ATP2B2: variants seen among roughly 807,000 people sequenced by gnomAD.
The protein encoded by ATP2B2 is ATPase plasma membrane Ca2+ transporting 2, also known as plasma membrane calcium-transporting ATPase 2.
Under a neutral mutation model 120.0 loss-of-function variants are expected in ATP2B2, and 15 were observed. The observed-to-expected ratio is 0.12, with a 90% CI of 0.08 to 0.19. The LOEUF is 0.19. Ranked by LOEUF, ATP2B2 falls within the 10% of genes least tolerant of loss-of-function variation. The probability of loss-of-function intolerance (pLI) is 1.00; values close to 1 mark genes in which losing one functional copy is unlikely to be tolerated. For synonymous variants in ATP2B2, 694 were observed against 700.3 expected (o/e 0.99, Z 0.14); for missense variants, 1,045 against 1,719.8 (o/e 0.61, Z 6.94).
intron 12 of ATP2B2, among the ~76,000 whole-genome samples, chr3:10,371,161 G>C (rs2061229631): frequency 6.6e-6 from 1 of 152,206 alleles, no homozygotes; most frequent in Non-Finnish European, 1.5e-5. Context: ...CACTGGCCAA[G>C]AGAATGCAGC....
chr3:10,396,510 G>A lies in ATP2B2; in HGVS notation c.781+4443C>T, dbSNP rs906010271. 2.0e-5 allele frequency among the ~76,000 whole-genome samples: 3 copies of A among 152,240 alleles called. No individual in the cohort carries two copies. In the East Asian group the frequency reaches 5.8e-4, roughly 29 times the overall value. Reference sequence around the variant, plus strand: ...CAAATGCCCCCAGCCTGGTCTCTCTGTGTTGTTCCTCAAGGATCATCAGAC... The same window carrying A: ...CAAATGCCCCCAGCCTGGTCTCTCTATGTTGTTCCTCAAGGATCATCAGAC... On this transcript the variant is annotated intron_variant, in intron 5 of 22. Transcript: ENST00000360273.
At chr3:10,695,160 C>T (rs536670289) in intron 1 of ATP2B2, among the ~76,000 whole-genome samples, 75 of 150,144 alleles carry the variant, frequency 5.0e-4, no homozygotes, top group African/African-American at 1.8e-3. Flanking sequence ...TACAGTTCCA[C>T]GTGGCTGGGG....
intron 2 of ATP2B2, among the ~76,000 whole-genome samples, chr3:10,608,762 C>T (rs1365795873): frequency 1.3e-5 from 2 of 152,188 alleles, no homozygotes; most frequent in African/African-American, 4.8e-5. Flanking sequence ...TGGCCAGACC[C>T]TCTCTTATCA....
Position 10,477,111 on chromosome 3 carries a change from C to T in ATP2B2, c.-319-27249G>A, listed in dbSNP as rs2065233652. ...ATGTGTGGCTTCCTCCAGGCCAGGCCTCACCATGCAGCAGACACCAGTGTC... is the reference window on the plus strand; with the variant it reads ...ATGTGTGGCTTCCTCCAGGCCAGGCTTCACCATGCAGCAGACACCAGTGTC... On this transcript the variant is annotated intron_variant, in intron 1 of 22. Coordinates refer to ENST00000360273, the MANE Select transcript of ATP2B2 (RefSeq NM_001001331.4). Among the ~76,000 whole-genome samples the T allele has an allele frequency of 2.0e-5, 3 of 152,238 alleles. No individual in the cohort carries two copies. The South Asian group carries it at 6.2e-4, about 31-fold the overall frequency.
intron 2 of ATP2B2, among the ~76,000 whole-genome samples, chr3:10,441,413 T>C (rs2063661980): frequency 6.6e-6 from 1 of 152,218 alleles, no homozygotes; most frequent in East Asian, 1.9e-4. Flanking sequence ...CTCATTTTTG[T>C]ATTTTTAGTA....
chr3:10,373,199 T>C (rs1219416393), intron 11 of ATP2B2, among the ~76,000 whole-genome samples: 1 of 152,222 alleles, frequency 6.6e-6, no homozygotes, highest in Non-Finnish European at 1.5e-5. Flanking sequence ...TTGTCCGATG[T>C]TTTAAGAATT....
At chr3:10,611,954 G>C (rs2069250871) in intron 2 of ATP2B2, among the ~76,000 whole-genome samples, 1 of 152,158 alleles carries the variant, frequency 6.6e-6, no homozygotes, top group African/African-American at 2.4e-5. Flanking sequence ...CGCCTATCCT[G>C]ATTACCCCAG....
At chr3:10,482,068 T>G (rs1391986510) in intron 1 of ATP2B2, among the ~76,000 whole-genome samples, 1 of 152,084 alleles carries the variant, frequency 6.6e-6, no homozygotes, top group Non-Finnish European at 1.5e-5. Flanking sequence ...GACACGTTAG[T>G]CCCCCTAGAC....
At chr3:10,441,183 T>G (rs1476665157) in intron 2 of ATP2B2, among the ~76,000 whole-genome samples, 1 of 152,192 alleles carries the variant, frequency 6.6e-6, no homozygotes, top group African/African-American at 2.4e-5. Flanking sequence ...CACTGAGGCC[T>G]TGGCTTCCTG....
Position 10,358,941 on chromosome 3 carries a change from A to G in ATP2B2, c.1902-16T>C. ...TTTGCAGCACCTAGGGGAGGATGGA[A>G]GGGAGATGGGGAGCCCAGGGAATGC... On this transcript the variant is annotated splice_polypyrimidine_tract_variant and intron_variant, in intron 13 of 22. Coordinates refer to ENST00000360273, the MANE Select transcript of ATP2B2 (RefSeq NM_001001331.4). 2 of 1,612,206 alleles carry G rather than the reference A, an allele frequency of 1.2e-6. No homozygotes were observed. Among genetic ancestry groups the G allele is most frequent in the Non-Finnish European group, 1.7e-6 (2 of 1,179,610 alleles).
intron 1 of ATP2B2, among the ~76,000 whole-genome samples, chr3:10,657,409 T>C (rs2070662172): frequency 6.6e-6 from 1 of 152,238 alleles, no homozygotes; most frequent in African/African-American, 2.4e-5. Flanking sequence ...TTGCCCTTTT[T>C]TGGAAATTGA....
At chr3:10,486,878 C>T (rs1228281026) in intron 1 of ATP2B2, among the ~76,000 whole-genome samples, 1 of 152,036 alleles carries the variant, frequency 6.6e-6, no homozygotes, top group Non-Finnish European at 1.5e-5. Context: ...AGCCACCACA[C>T]CCAGCTAATT....
rs2071891427 is a variant in ATP2B2 at position 10,706,064 on chromosome 3, T to G, written c.-460+1851A>C. The stretch of plus-strand genomic sequence containing the variant: ...GAACAAATGAGTGTGTCTCTGAGAG[T>G]GCTTAGTAAGTGCTTGCACCTGGTA... On this transcript the variant is annotated intron_variant, in intron 1 of 21. Transcript: ENST00000646379. 2.0e-5 allele frequency among the ~76,000 whole-genome samples: 3 copies of G among 152,288 alleles called. No homozygotes were observed. The South Asian group carries it at 6.2e-4, about 32-fold the overall frequency.
At chr3:10,504,510 G>A (rs2066526858) in intron 1 of ATP2B2, among the ~76,000 whole-genome samples, 1 of 151,944 alleles carries the variant, frequency 6.6e-6, no homozygotes, top group Non-Finnish European at 1.5e-5. Flanking sequence ...TCTGCATGGA[G>A]GGCCCGAGAC....
At chr3:10,642,644 C>G (rs1294393147) in intron 1 of ATP2B2, among the ~76,000 whole-genome samples, 1 of 151,672 alleles carries the variant, frequency 6.6e-6, no homozygotes, top group Non-Finnish European at 1.5e-5. Flanking sequence ...TTTCATGACC[C>G]ATTCACCTGG....
At chr3:10,591,820 T>C (rs1575532710) in intron 2 of ATP2B2, among the ~76,000 whole-genome samples, 2 of 152,200 alleles carry the variant, frequency 1.3e-5, no homozygotes, top group Non-Finnish European at 2.9e-5. Context: ...AGTAGTGCCA[T>C]AGAAATCCAT....
At chr3:10,351,713 A>T (rs148608943) in intron 14 of ATP2B2, among the ~76,000 whole-genome samples, 128 of 152,350 alleles carry the variant, frequency 8.4e-4, no homozygotes, top group African/African-American at 2.8e-3. Flanking sequence ...TGAGCGCATC[A>T]CGGTAAGCCC....
chr3:10,453,034 C>A (rs917094441), intron 1 of ATP2B2, among the ~76,000 whole-genome samples: 1 of 152,158 alleles, frequency 6.6e-6, no homozygotes, highest in Non-Finnish European at 1.5e-5. Context: ...TATAACATTG[C>A]CTGACTGGCA....
At chr3:10,668,230 C>A (rs1037118210) in intron 1 of ATP2B2, among the ~76,000 whole-genome samples, 3 of 152,232 alleles carry the variant, frequency 2.0e-5, no homozygotes, top group Non-Finnish European at 4.4e-5. Context: ...CCACAATAAA[C>A]TTGAACTATA....
Sources: gnomAD v4.1 joint callset for allele counts (sites outside exome capture counted in the v4.1 genomes callset) on GRCh38, gnomAD v4.1.1 for gene constraint, MANE v1.5 for transcripts, NCBI Gene and HGNC (gene_info 2026-07-23, HGNC 2026-07-21) for gene names.